NEDD4L: variants seen among roughly 807,000 people sequenced by gnomAD.
NEDD4L encodes the protein E3 ubiquitin-protein ligase NEDD4-like.
A neutral mutation model predicts 148.9 loss-of-function variants in NEDD4L; 54 were observed. That is an observed-to-expected ratio of 0.36 (90% CI 0.29 to 0.45). NEDD4L has a LOEUF of 0.45. Ranked by LOEUF, NEDD4L falls within the 20% of genes least tolerant of loss-of-function variation. The pLI is 1.00. For synonymous variants in NEDD4L, 433 were observed against 440.7 expected (o/e 0.98, Z 0.22); for missense variants, 856 against 1,233.8 (o/e 0.69, Z 4.59).
chr18:58,111,984 TC>T (rs2085449861), intron 1 of NEDD4L, among the ~76,000 whole-genome samples: 1 of 152,190 alleles, frequency 6.6e-6, no homozygotes, highest in South Asian at 2.1e-4. Flanking sequence ...CTACTGGGTG[TC>T]CCTGTTGTTT....
chr18:58,388,514 C>T (rs2049349130), intron 27 of NEDD4L: 1 of 152,262 alleles, frequency 6.6e-6, no homozygotes, highest in African/African-American at 2.4e-5. Context: ...GGAAACCTCC[C>T]CTGATGGAGA....
At chr18:58,185,968 C>G (rs762523463) in intron 2 of NEDD4L, among the ~76,000 whole-genome samples, 1 of 152,146 alleles carries the variant, frequency 6.6e-6, no homozygotes, top group South Asian at 2.1e-4. Context: ...CCAGTTCATG[C>G]AGCAGATACA....
chr18:58,355,008 G>A (rs746715592), intron 18 of NEDD4L, among the ~76,000 whole-genome samples: 17 of 152,222 alleles, frequency 1.1e-4, no homozygotes, highest in African/African-American at 4.1e-4. Flanking sequence ...CCGCAGGGGC[G>A]CACAGGCCAA....
At chr18:58,159,066 A>C (rs934718138) in intron 1 of NEDD4L, among the ~76,000 whole-genome samples, 42 of 152,236 alleles carry the variant, frequency 2.8e-4, no homozygotes, top group Middle Eastern at 3.4e-3. Flanking sequence ...AGGGGGTGGC[A>C]GCAATATAAG....
At chr18:58,302,048 C>T (rs1443459637) in intron 5 of NEDD4L, among the ~76,000 whole-genome samples, 1 of 152,218 alleles carries the variant, frequency 6.6e-6, no homozygotes, top group Non-Finnish European at 1.5e-5. Context: ...TGGGTTAGTG[C>T]TGCTTGGTAT....
chr18:58,096,334 ATTATTTTATTTTATTTATTTTATT>A (rs2084390187), intron 1 of NEDD4L, among the ~76,000 whole-genome samples: 3 of 147,328 alleles, frequency 2.0e-5, no homozygotes, highest in South Asian at 2.1e-4. Context: ...CCTTAGTGTG[ATTATTTTATTTTATTTATTTTATT>A]TTATTTTATT....
chr18:58,256,104 C>T lies in NEDD4L; in HGVS notation c.297+4050C>T, dbSNP rs962206126. On this transcript the variant is annotated intron_variant, in intron 5 of 30. Coordinates refer to ENST00000400345, the MANE Select transcript of NEDD4L (RefSeq NM_001144967.3). This position sits in a 1 kb window ranked among gnomAD's most constrained non-coding sequence, Gnocchi z 5.2. ...CCGAGGGACACCCCCGGGAGCTCCC[C>T]TCCGAGGGCAGCCCGGGACCCAGGG... The T allele has an allele frequency of 5.7e-5, 70 of 1,227,294 alleles. No homozygotes were observed. The African/African-American group carries it at 1.0e-3, about 18-fold the overall frequency. 76.0% of individuals were successfully genotyped at this position (1,227,294 alleles called of 1,614,324 possible).
At chr18:58,341,966 G>A (rs992239425) in intron 15 of NEDD4L, among the ~76,000 whole-genome samples, 169 bp downstream of exon 15, 28 of 152,078 alleles carry the variant, frequency 1.8e-4, no homozygotes, top group African/African-American at 2.7e-4. Flanking sequence ...TCTCTGTCTC[G>A]CCCAGTTAAC....
At chr18:58,058,198 C>T (rs1385624089) in intron 1 of NEDD4L, among the ~76,000 whole-genome samples, 4 of 152,064 alleles carry the variant, frequency 2.6e-5, no homozygotes, top group South Asian at 2.1e-4. Context: ...CCCAGCCTCT[C>T]GGGAGGCTGA....
At chr18:58,199,484 CGAAATGCTGTGGAAGACCAG>C (rs1055522217) in intron 2 of NEDD4L, among the ~76,000 whole-genome samples, 1 of 152,140 alleles carries the variant, frequency 6.6e-6, no homozygotes, top group Non-Finnish European at 1.5e-5. Flanking sequence ...TGACCGTATA[CGAAATGCTGTGGAAGACCAG>C]GCACGGTGGC....
intron 5 of NEDD4L, among the ~76,000 whole-genome samples, chr18:58,278,133 A>G (rs1198367856): frequency 6.6e-6 from 1 of 152,070 alleles, no homozygotes; most frequent in African/African-American, 2.4e-5. Context: ...CCATAATCCC[A>G]TGTAGTTCTT....
intron 21 of NEDD4L, chr18:58,367,310 A>C (rs558970247): frequency 1.8e-5 from 3 of 162,904 alleles, no homozygotes; most frequent in African/African-American, 7.2e-5. Context: ...AAGACAGACC[A>C]AGGGTTGGGC....
chr18:58,285,861 C>T (rs1325433087), intron 5 of NEDD4L, among the ~76,000 whole-genome samples: 1 of 152,200 alleles, frequency 6.6e-6, no homozygotes. Flanking sequence ...ACTCTTTACC[C>T]TACAAATCTT....
At chr18:58,326,279 C>T (rs781266870) in intron 9 of NEDD4L, among the ~76,000 whole-genome samples, 55 of 152,124 alleles carry the variant, frequency 3.6e-4, no homozygotes, top group Non-Finnish European at 6.5e-4. Flanking sequence ...GGTGGGTTCT[C>T]GTGAATGTCA....
chr18:58,333,898 C>G lies in NEDD4L; in HGVS notation c.1065+6C>G, dbSNP rs749993445. The G allele has an allele frequency of 1.1e-5, 18 of 1,601,686 alleles. No homozygotes were observed. The highest frequency in any genetic ancestry group is 1.4e-5 in the Non-Finnish European group (17 of 1,172,514). Reference sequence around the variant, plus strand: ...AACAGGGCCATCTACCACCGGTAACCCATGCTAATTTCCAGTCATCAGTTG... The same window carrying G: ...AACAGGGCCATCTACCACCGGTAACGCATGCTAATTTCCAGTCATCAGTTG... On this transcript the variant is annotated splice_donor_region_variant and intron_variant, in intron 12 of 30. Coordinates refer to ENST00000400345, the MANE Select transcript of NEDD4L (RefSeq NM_001144967.3).
At chr18:58,358,410 A>G (rs528449100) in intron 19 of NEDD4L, among the ~76,000 whole-genome samples, 77 of 152,300 alleles carry the variant, frequency 5.1e-4, no homozygotes, top group Admixed American at 1.0e-3. Flanking sequence ...GTTTATTGGA[A>G]TATTATTTTC....
At chr18:58,302,285 C>T (rs1018315061) in intron 5 of NEDD4L, among the ~76,000 whole-genome samples, 1 of 152,148 alleles carries the variant, frequency 6.6e-6, no homozygotes, top group Non-Finnish European at 1.5e-5. Context: ...AGAGTGTCCC[C>T]GTTTTGAGGT....
At chr18:58,262,638 A>T (rs895990247) in intron 5 of NEDD4L, among the ~76,000 whole-genome samples, 7 of 152,046 alleles carry the variant, frequency 4.6e-5, no homozygotes, top group African/African-American at 1.4e-4. Context: ...CAGGAAAAAA[A>T]AAAAAAAAAG....
In NEDD4L at chr18:58,235,576, T is replaced by A. The variant is rs771612134; in HGVS notation, c.123-9851T>A. Among the ~76,000 whole-genome samples, 5 of 152,198 alleles carry A rather than the reference T, an allele frequency of 3.3e-5. 1 individual carries two copies. The highest frequency in any genetic ancestry group is 7.3e-5 in the Non-Finnish European group (5 of 68,038). ...CCTGAGTAGTTCCTGCCGTTAGAACTTGCTCTCTTTTTTAGTTAGACACAG... is the reference window on the plus strand; with the variant it reads ...CCTGAGTAGTTCCTGCCGTTAGAACATGCTCTCTTTTTTAGTTAGACACAG... On this transcript the variant is annotated intron_variant, in intron 2 of 30. Coordinates refer to ENST00000400345, the MANE Select transcript of NEDD4L (RefSeq NM_001144967.3).
Sources: gnomAD v4.1 joint callset for allele counts (sites outside exome capture counted in the v4.1 genomes callset) on GRCh38, gnomAD v4.1.1 for gene constraint, Gnocchi (gnomAD v3.1) non-coding constraint, MANE v1.5 for transcripts, NCBI Gene and HGNC (gene_info 2026-07-23, HGNC 2026-07-21) for gene names.